The following AFF3 variants were observed in gnomAD, a reference collection of about 807,000 sequenced individuals.
The protein encoded by AFF3 is AF4/FMR2 family member 3.
AFF3 carries 32 observed loss-of-function variants against 129.7 expected under a neutral mutation model. The observed-to-expected ratio is 0.25, with a 90% confidence interval of 0.19 to 0.33. The LOEUF is 0.33. Ranked by LOEUF, AFF3 falls within the 10% of genes least tolerant of loss-of-function variation. AFF3 has a pLI of 1.00. For synonymous variants in AFF3, 644 were observed against 635.4 expected, an observed-to-expected ratio of 1.01 and a Z score of -0.20; for missense variants, 1,373 against 1,592.0, an observed-to-expected ratio of 0.86 and a Z score of 2.34.
chr2:100,069,296 C>T (rs529945733), intron 4 of AFF3, among the ~76,000 whole-genome samples: 17 of 152,248 alleles, frequency 1.1e-4, no homozygotes, highest in African/African-American at 3.9e-4. Flanking sequence ...ATAATCAGAT[C>T]TATACCCCAG....
intron 2 of AFF3, chr2:100,109,740 T>C (rs1322908304): frequency 1.3e-5 from 2 of 152,166 alleles, no homozygotes; most frequent in Admixed American, 6.5e-5. Flanking sequence ...CATTTAGTCC[T>C]CCCAAAAGCA....
chr2:99,960,703 T>C (rs531116400), intron 7 of AFF3, among the ~76,000 whole-genome samples: 3 of 152,308 alleles, frequency 2.0e-5, no homozygotes, highest in African/African-American at 7.2e-5. Flanking sequence ...GCTTACATAC[T>C]AGCTAGGACA....
intron 11 of AFF3, among the ~76,000 whole-genome samples, chr2:99,676,616 G>A (rs969350324): frequency 1.3e-5 from 2 of 152,188 alleles, no homozygotes; most frequent in African/African-American, 4.8e-5. Flanking sequence ...TCCCTAGGAG[G>A]GAAGTGGGCC....
intron 4 of AFF3, among the ~76,000 whole-genome samples, chr2:100,070,387 A>T (rs1456346018): frequency 6.6e-6 from 1 of 152,198 alleles, no homozygotes; most frequent in Non-Finnish European, 1.5e-5. Context: ...TAGAAATCTG[A>T]GCATTTTTAG....
intron 7 of AFF3, among the ~76,000 whole-genome samples, chr2:99,936,604 C>T (rs1002079151): frequency 6.6e-6 from 1 of 152,090 alleles, no homozygotes; most frequent in Admixed American, 6.6e-5. Flanking sequence ...ATAAATTACC[C>T]AAAACTAAAG....
chr2:99,606,659 T>G lies in AFF3; in HGVS notation c.1185-5038A>C, dbSNP rs951107725. Among the ~76,000 whole-genome samples, 27 of 152,248 alleles carry G rather than the reference T, an allele frequency of 1.8e-4. No individual in the cohort carries two copies. In the Middle Eastern group the frequency reaches 0.01, roughly 58 times the overall value. The stretch of plus-strand genomic sequence containing the variant: ...CAGGACGGGCGCGGTGGCTCACGTC[T>G]GTAATCCCAGCACTTTGGGAAGCCG... On this transcript the variant is annotated intron_variant, in intron 13 of 24. Coordinates refer to ENST00000672756, the MANE Select transcript of AFF3 (RefSeq NM_001386135.1).
chr2:99,724,195 C>A (rs911371967), intron 11 of AFF3, among the ~76,000 whole-genome samples: 10 of 150,760 alleles, frequency 6.6e-5, no homozygotes, highest in African/African-American at 2.2e-4. Flanking sequence ...GAGACCCACA[C>A]CCCCTCTTGG....
At chr2:100,022,031 A>T (rs1683637425) in intron 4 of AFF3, among the ~76,000 whole-genome samples, 1 of 152,220 alleles carries the variant, frequency 6.6e-6, no homozygotes, top group South Asian at 2.1e-4. Flanking sequence ...TCTGTAGTCA[A>T]TCAAGCTTGA....
intron 2 of AFF3, among the ~76,000 whole-genome samples, chr2:100,109,152 C>T (rs998133482): frequency 3.3e-5 from 5 of 151,050 alleles, no homozygotes; most frequent in African/African-American, 1.2e-4. Context: ...GGAAGTTTTT[C>T]ATGCCCTTCA....
chr2:99,804,998 T>C (rs1049463262), intron 8 of AFF3, among the ~76,000 whole-genome samples: 10 of 152,218 alleles, frequency 6.6e-5, no homozygotes, highest in Admixed American at 1.3e-4. Flanking sequence ...ACTACTTGGA[T>C]GACAAGTTCA....
At chr2:99,823,162 G>C (rs924883574) in intron 8 of AFF3, among the ~76,000 whole-genome samples, 2 of 152,138 alleles carry the variant, frequency 1.3e-5, no homozygotes, top group Non-Finnish European at 2.9e-5. Context: ...CTGCAGCCTA[G>C]GTAGGTTTTG....
chr2:100,045,836 T>C (rs1426468397), intron 4 of AFF3, among the ~76,000 whole-genome samples: 1 of 152,248 alleles, frequency 6.6e-6, no homozygotes, highest in African/African-American at 2.4e-5. Context: ...GTAAGAATAA[T>C]ATCTATCATA....
At chr2:99,839,654 C>T (rs914306258) in intron 7 of AFF3, among the ~76,000 whole-genome samples, 3 of 151,692 alleles carry the variant, frequency 2.0e-5, no homozygotes, top group African/African-American at 7.3e-5. Context: ...CTCTGTCACC[C>T]AGGCTGGAGT....
chr2:99,816,677 G>C (rs1687261363), intron 8 of AFF3, among the ~76,000 whole-genome samples: 1 of 152,068 alleles, frequency 6.6e-6, no homozygotes, highest in Non-Finnish European at 1.5e-5. Context: ...TGGTTGGAGA[G>C]TGGAGGAGAG....
At chr2:99,789,076 T>C (rs1280240449) in intron 8 of AFF3, among the ~76,000 whole-genome samples, 1 of 152,164 alleles carries the variant, frequency 6.6e-6, no homozygotes, top group Non-Finnish European at 1.5e-5. Flanking sequence ...TCAGAACATA[T>C]CCATATTGTT....
At chr2:100,077,126 G>A (rs1688643800) in intron 4 of AFF3, among the ~76,000 whole-genome samples, 1 of 152,102 alleles carries the variant, frequency 6.6e-6, no homozygotes, top group African/African-American at 2.4e-5. Context: ...GCAGGCACCT[G>A]TAATCCCAGC....
intron 7 of AFF3, among the ~76,000 whole-genome samples, chr2:99,938,020 A>C (rs1674686437): frequency 6.6e-6 from 1 of 152,218 alleles, no homozygotes; most frequent in African/African-American, 2.4e-5. Context: ...TCCATCATTC[A>C]GAGCTCCATG....
chr2:99,660,551 A>G (rs1343443707), intron 12 of AFF3, among the ~76,000 whole-genome samples: 4 of 152,262 alleles, frequency 2.6e-5, no homozygotes, highest in Non-Finnish European at 5.9e-5. Context: ...TTTACGATTT[A>G]TATGTGAAAG....
At chr2:99,657,720 G>C (rs1685874911) in intron 12 of AFF3, among the ~76,000 whole-genome samples, 2 of 151,986 alleles carry the variant, frequency 1.3e-5, no homozygotes, top group Non-Finnish European at 1.5e-5. Flanking sequence ...ACATTACTTA[G>C]GTTTGTTTAT....
Sources: gnomAD v4.1 joint callset for allele counts (sites outside exome capture counted in the v4.1 genomes callset) on GRCh38, gnomAD v4.1.1 for gene constraint, MANE v1.5 for transcripts, NCBI Gene and HGNC (gene_info 2026-07-23, HGNC 2026-07-21) for gene names.